MAGI2: variants seen among roughly 807,000 people sequenced by gnomAD.
The protein encoded by MAGI2 is membrane associated guanylate kinase, WW and PDZ domain containing 2, also known as membrane-associated guanylate kinase, WW and PDZ domain-containing protein 2.
Under a neutral mutation model 133.3 loss-of-function variants are expected in MAGI2, and 35 were observed. That is an observed-to-expected ratio of 0.26 (90% confidence interval 0.20 to 0.35). The LOEUF is 0.35. MAGI2 is among the 10% of genes least tolerant of loss of function. The pLI is 1.00. For missense variants in MAGI2, 1,636 were observed against 1,863.4 expected, an observed-to-expected ratio of 0.88 and a Z score of 2.25; for synonymous variants, 729 against 710.6, an observed-to-expected ratio of 1.03 and a Z score of -0.41.
At chr7:79,358,549 A>C (rs1180478387) in intron 1 of MAGI2, among the ~76,000 whole-genome samples, 1 of 152,168 alleles carries the variant, frequency 6.6e-6, no homozygotes, top group African/African-American at 2.4e-5. Context: ...TGAAGAGGAA[A>C]TAGAGATGCA....
At chr7:78,665,756 G>A (rs1813492166) in intron 2 of MAGI2, among the ~76,000 whole-genome samples, 4 of 152,050 alleles carry the variant, frequency 2.6e-5, no homozygotes, top group Non-Finnish European at 5.9e-5. Context: ...TACATGGAAA[G>A]AATCATACTT....
intron 1 of MAGI2, among the ~76,000 whole-genome samples, chr7:79,037,045 C>A (rs1399304178): frequency 1.3e-5 from 2 of 152,230 alleles, no homozygotes; most frequent in Admixed American, 6.5e-5. Context: ...ACACTTTAAC[C>A]TTTTTTGGAC....
chr7:78,857,247 T>C (rs375661117), intron 2 of MAGI2, among the ~76,000 whole-genome samples: 53 of 152,242 alleles, frequency 3.5e-4, no homozygotes, highest in African/African-American at 1.2e-3. Context: ...TATTTATTTC[T>C]TTCTCCTATC....
intron 2 of MAGI2, among the ~76,000 whole-genome samples, chr7:78,823,451 C>T (rs1325202508): frequency 1.3e-5 from 2 of 151,826 alleles, no homozygotes; most frequent in Non-Finnish European, 2.9e-5. Flanking sequence ...GGCGTGGTGG[C>T]GGGCGCCTGT....
intron 2 of MAGI2, among the ~76,000 whole-genome samples, chr7:78,740,645 T>C (rs1288599881): frequency 1.3e-5 from 2 of 152,172 alleles, no homozygotes; most frequent in African/African-American, 4.8e-5. Flanking sequence ...CAGTTCAGTT[T>C]TTAGCATCAC....
intron 1 of MAGI2, among the ~76,000 whole-genome samples, chr7:79,140,776 T>C (rs1295377235): frequency 6.6e-6 from 1 of 152,216 alleles, no homozygotes; most frequent in Admixed American, 6.5e-5. Flanking sequence ...GTTCTCCCAC[T>C]ATCCTAGTGC....
intron 14 of MAGI2, among the ~76,000 whole-genome samples, chr7:78,168,834 G>A (rs1825856128): frequency 6.6e-6 from 1 of 152,186 alleles, no homozygotes; most frequent in Admixed American, 6.5e-5. Flanking sequence ...TTGAAAAGCT[G>A]GAGGGTAAGG....
intron 20 of MAGI2, among the ~76,000 whole-genome samples, chr7:78,103,329 G>T (rs923233585): frequency 1.3e-5 from 2 of 152,152 alleles, no homozygotes; most frequent in African/African-American, 4.8e-5. Context: ...TTTGTAGTCA[G>T]CCTTGTTTCT....
chr7:78,453,541 G>A (rs1010482465), intron 6 of MAGI2, among the ~76,000 whole-genome samples: 3 of 152,054 alleles, frequency 2.0e-5, no homozygotes, highest in African/African-American at 7.3e-5. Context: ...CTCTGTATGT[G>A]CCCTCAGGTG....
At chr7:78,327,438 A>T (rs1788698768) in intron 9 of MAGI2, among the ~76,000 whole-genome samples, 1 of 152,154 alleles carries the variant, frequency 6.6e-6, no homozygotes, top group Non-Finnish European at 1.5e-5. Context: ...GGCTACCCCA[A>T]TTTCAATGAG....
chr7:78,670,444 G>A (rs554006007), intron 2 of MAGI2, among the ~76,000 whole-genome samples: 63 of 152,092 alleles, frequency 4.1e-4, no homozygotes, highest in Non-Finnish European at 8.7e-4. Flanking sequence ...ATGGAAGAAC[G>A]TTCAATGCTC....
chr7:78,655,454 C>CCAA (rs1812091777), intron 2 of MAGI2, among the ~76,000 whole-genome samples: 1 of 64,950 alleles, frequency 1.5e-5, no homozygotes, highest in Non-Finnish European at 2.8e-5. Context: ...AAAAAACAAC[C>CCAA]AAAAAAAAAA....
chr7:78,088,883 A>C (rs1489777245), intron 20 of MAGI2, among the ~76,000 whole-genome samples: 1 of 152,244 alleles, frequency 6.6e-6, no homozygotes, highest in Non-Finnish European at 1.5e-5. Flanking sequence ...AGATGGGACG[A>C]TTATCCAGGA....
chr7:78,895,612 A>G (rs1229344302), intron 2 of MAGI2, among the ~76,000 whole-genome samples: 2 of 152,192 alleles, frequency 1.3e-5, no homozygotes, highest in Non-Finnish European at 2.9e-5. Context: ...TTGACAGTTT[A>G]TCAGTTCTAG....
At chr7:78,188,650 C>A (rs754715934) in intron 12 of MAGI2, among the ~76,000 whole-genome samples, 2 of 152,136 alleles carry the variant, frequency 1.3e-5, no homozygotes, top group African/African-American at 4.8e-5. Context: ...TTAATGCCAT[C>A]GGACACCAGC....
chr7:78,502,233 A>G (rs1196885409), intron 4 of MAGI2, among the ~76,000 whole-genome samples: 1 of 152,192 alleles, frequency 6.6e-6, no homozygotes, highest in Non-Finnish European at 1.5e-5. Context: ...TGTAATCACA[A>G]GAGTCCTTAA....
At chr7:78,672,934 A>T (rs537766058) in intron 2 of MAGI2, among the ~76,000 whole-genome samples, 1 of 152,334 alleles carries the variant, frequency 6.6e-6, no homozygotes, top group African/African-American at 2.4e-5. Flanking sequence ...ACAAACTTTC[A>T]TCAATGGCTT....
intron 10 of MAGI2, among the ~76,000 whole-genome samples, chr7:78,223,143 A>G (rs1280499528): frequency 2.0e-5 from 3 of 152,182 alleles, no homozygotes; most frequent in African/African-American, 4.8e-5. Flanking sequence ...GTGTGCGGGT[A>G]TCACACCTGG....
At chr7:78,335,559 T>G (rs1789675209) in intron 9 of MAGI2, among the ~76,000 whole-genome samples, 1 of 151,842 alleles carries the variant, frequency 6.6e-6, no homozygotes, top group African/African-American at 2.4e-5. Context: ...AAAATAAAGG[T>G]ATGTGAGAAA....
Sources: allele counts gnomAD v4.1 joint callset (sites outside exome capture counted in the v4.1 genomes callset), GRCh38; gene constraint gnomAD v4.1.1; transcripts MANE v1.5; gene names NCBI Gene and HGNC (gene_info 2026-07-23, HGNC 2026-07-21).